The following MFAP3 variants were observed in gnomAD, a reference collection of about 807,000 sequenced individuals.
The protein encoded by MFAP3 is microfibril associated protein 3.
MFAP3 carries 8 observed loss-of-function variants against 20.5 expected under a neutral mutation model. That is an observed-to-expected ratio of 0.39 (90% CI 0.23 to 0.70). The LOEUF is 0.70. MFAP3 is among the 30% of genes least tolerant of loss of function. MFAP3 has a pLI of 0.44. For missense variants in MFAP3, 398 were observed against 444.6 expected (o/e 0.90, Z 0.94); for synonymous variants, 140 against 154.0 (o/e 0.91, Z 0.67).
At position 154,049,601 on chromosome 5, in the gene MFAP3, C is replaced by T. The variant is rs959785050; in HGVS notation, c.-122C>T. 5.4e-6 allele frequency: 5 copies of T among 934,368 alleles called. No homozygotes were observed. The East Asian group carries it at 1.3e-4, about 24-fold the overall frequency. 57.9% of individuals were successfully genotyped at this position (934,368 alleles called of 1,614,324 possible). A position where few individuals can be genotyped will look rare whatever the true frequency, so the allele number is the denominator to read the frequency against. On this transcript the variant is annotated 5_prime_UTR_variant, in exon 2 of 3. Coordinates refer to ENST00000522782, the MANE Select transcript of MFAP3 (RefSeq NM_005927.5). ...TAATCTTGAAGACTAGAAAATATAA[C>T]TGGATCTACCACTTGTTTGGAAAAT...
chr5:154,048,722 G>T (rs563944655), intron 1 of MFAP3, among the ~76,000 whole-genome samples: 6 of 152,118 alleles, frequency 3.9e-5, no homozygotes, highest in African/African-American at 1.4e-4. Context: ...TTTTAAATGT[G>T]TCTAACAATC....
intron 1 of MFAP3, among the ~76,000 whole-genome samples, chr5:154,040,282 C>T (rs927037142): frequency 1.3e-5 from 2 of 152,162 alleles, no homozygotes; most frequent in Non-Finnish European, 2.9e-5. Flanking sequence ...AAAATAAACT[C>T]ATTATATGTT....
At chr5:154,050,157 T>A in intron 2 of MFAP3, 140 bp downstream of exon 2, 1 of 748,710 alleles carries the variant, frequency 1.3e-6, no homozygotes, top group Non-Finnish European at 1.9e-6. Flanking sequence ...TGGAGTGTTG[T>A]ACCTATCAGA....
intron 2 of MFAP3, 138 bp downstream of exon 2, chr5:154,050,155 T>C (rs1773155283): frequency 2.6e-6 from 2 of 767,828 alleles, no homozygotes; most frequent in Non-Finnish European, 3.8e-6. Flanking sequence ...TCTGGAGTGT[T>C]GTACCTATCA....
At chr5:154,051,494 A>G (rs986462627) in intron 2 of MFAP3, among the ~76,000 whole-genome samples, 3 of 152,218 alleles carry the variant, frequency 2.0e-5, no homozygotes, top group African/African-American at 7.2e-5. Flanking sequence ...AGTCTAGTAT[A>G]AGGTTCATAA....
rs981994802 is a variant in MFAP3 at position 154,053,847 on chromosome 5, G to A, written c.*134G>A. ...TTGTTAATATTAAGCACATCAGAAC[G>A]TGAATTGCCAAAGTCTTCATTAGAA... On this transcript the variant is annotated 3_prime_UTR_variant, in exon 3 of 3. Coordinates refer to ENST00000522782, the MANE Select transcript of MFAP3 (RefSeq NM_005927.5). 5.3e-6 allele frequency: 4 copies of A among 750,624 alleles called. No homozygotes were observed. Among genetic ancestry groups the A allele is most frequent in the Non-Finnish European group, 6.5e-6 (3 of 458,876 alleles). 46.5% of individuals were successfully genotyped at this position (750,624 alleles called of 1,614,324 possible).
Position 154,043,938 on chromosome 5 carries a change from G to A in MFAP3, c.-167+4927G>A, listed in dbSNP as rs1480881593. Among the ~76,000 whole-genome samples, 4 of 152,142 alleles carry A rather than the reference G, an allele frequency of 2.6e-5. No individual in the cohort carries two copies. The East Asian group carries it at 7.7e-4, about 29-fold the overall frequency. On this transcript the variant is annotated intron_variant, in intron 1 of 2. Coordinates refer to ENST00000522782, the MANE Select transcript of MFAP3 (RefSeq NM_005927.5). ...ATAAAGGATCATATGTTCAAAGCAT[G>A]CAGGCCTAATATTATAGGAAGTCCC... is the stretch of plus-strand genomic sequence containing the variant.
Position 154,053,559 on chromosome 5 carries a change from TAGC to T in MFAP3, c.938_940del (p.Ala313del). Reference sequence around the variant, plus strand: ...TCTCTGAATGAACAAGGCCAGGAAATAGCAGTTCAGGTTTCTGTCCACCTTCAG... The same window carrying T: ...TCTCTGAATGAACAAGGCCAGGAAATAGTTCAGGTTTCTGTCCACCTTCAG... On this transcript the variant is annotated inframe_deletion, in exon 3 of 3. Coordinates refer to ENST00000522782, the MANE Select transcript of MFAP3 (RefSeq NM_005927.5). 1.2e-6 allele frequency: 2 copies of T among 1,613,774 alleles called. No individual in the cohort carries two copies. The highest frequency in any genetic ancestry group is 1.1e-5 in the South Asian group (1 of 91,068).
At chr5:154,040,477 T>C (rs1772906973) in intron 1 of MFAP3, among the ~76,000 whole-genome samples, 2 of 152,342 alleles carry the variant, frequency 1.3e-5, no homozygotes, top group South Asian at 4.1e-4. Flanking sequence ...AATTGTGCCA[T>C]ATTGTGTGAG....
intron 1 of MFAP3, chr5:154,039,333 C>T (rs1233772307): frequency 6.6e-6 from 1 of 152,122 alleles, no homozygotes; most frequent in East Asian, 1.9e-4. Context: ...GAAATTTAGA[C>T]TGGATAATGT....
At chr5:154,041,655 G>T (rs1298942810) in intron 1 of MFAP3, among the ~76,000 whole-genome samples, 1 of 152,204 alleles carries the variant, frequency 6.6e-6, no homozygotes, top group Non-Finnish European at 1.5e-5. Flanking sequence ...ATCACCAGTA[G>T]ATTGTAAAAT....
chr5:154,042,116 C>T (rs992214972), intron 1 of MFAP3, among the ~76,000 whole-genome samples: 16 of 152,160 alleles, frequency 1.1e-4, no homozygotes, highest in Non-Finnish European at 1.9e-4. Flanking sequence ...ATTATCTAAG[C>T]TGTTCATAAG....
intron 1 of MFAP3, among the ~76,000 whole-genome samples, chr5:154,048,277 A>G (rs2113561569): frequency 6.6e-6 from 1 of 152,292 alleles, no homozygotes; most frequent in African/African-American, 2.4e-5. Flanking sequence ...CCAAAGTCTG[A>G]AGGTTTTTTA....
In MFAP3 at chr5:154,049,734, T is replaced by C; in HGVS notation, c.12T>C (p.His4=). The C allele has an allele frequency of 1.2e-6, 2 of 1,612,438 alleles. No homozygotes were observed. Among genetic ancestry groups the C allele is most frequent in the Non-Finnish European group, 1.7e-6 (2 of 1,178,818 alleles). The part of the protein sequence containing the change: MKL[H]CCLFTLVASI... ...TGTCCCATTTTCCCATGAAGCTACA[T>C]TGTTGCTTATTCACTTTAGTGGCAA... The change falls in exon 2 of 3, where the codon CAT becomes CAC. Residue 4 remains histidine, a synonymous_variant. Transcript: ENST00000522782.
chr5:154,043,465 C>T (rs1262926299), intron 1 of MFAP3, among the ~76,000 whole-genome samples: 2 of 151,840 alleles, frequency 1.3e-5, no homozygotes, highest in Non-Finnish European at 2.9e-5. Flanking sequence ...GTGGGAGAAT[C>T]GCTTGAACCT....
chr5:154,052,921 T>C lies in MFAP3; in HGVS notation c.297T>C (p.Gly99=), dbSNP rs1220027257. The C allele has an allele frequency of 6.2e-7, 1 of 1,606,616 alleles. No homozygotes were observed. Among genetic ancestry groups the C allele is most frequent in the Non-Finnish European group, 8.5e-7 (1 of 1,174,772 alleles). Residue 99 remains glycine (G), a splice_region_variant and synonymous_variant, in exon 3 of 3, where the codon GGT becomes GGC. Transcript: ENST00000522782. ...KGQQLDGRSR[G]GKWLVSDNFL... is the part of the protein sequence containing the mutation. ...TTTTCATTTCTGTTCAATTATCAGG[T>C]GGAAAGTGGTTGGTTTCTGATAACT...
chr5:154,049,973 A>G lies in MFAP3; in HGVS notation c.251A>G (p.His84Arg), dbSNP rs140803939. 16 of 1,611,784 alleles carry G rather than the reference A, an allele frequency of 9.9e-6. No homozygotes were observed. Among genetic ancestry groups the G allele is most frequent in the Non-Finnish European group, 1.2e-5 (14 of 1,178,136 alleles). The change falls in exon 2 of 3, where the codon CAT becomes CGT. Residue 84 changes from histidine to arginine, a missense_variant. His to Arg is a conservative substitution (Grantham distance 29). Transcript: ENST00000522782. ...ACAGCCAGTCACTATGAAGATGTCC[A>G]TTGGCACAATTCAAAAGGACAGCAA... is the stretch of plus-strand genomic sequence containing the variant. ...LLTASHYEDV[H>R]WHNSKGQQLD...
At chr5:154,044,738 C>T (rs942600771) in intron 1 of MFAP3, among the ~76,000 whole-genome samples, 1 of 152,184 alleles carries the variant, frequency 6.6e-6, no homozygotes, top group Non-Finnish European at 1.5e-5. Context: ...TTGCTTGCCA[C>T]ACTCCACTGT....
chr5:154,052,890 A>ATT (rs11451300), intron 2 of MFAP3, 30 bp from the exon 3 acceptor site: 1,669 of 1,487,770 alleles, frequency 1.1e-3, no homozygotes, highest in South Asian at 1.9e-3. Flanking sequence ...TTTTGCTATA[A>ATT]TTTTTTTTTC....
Sources: gnomAD v4.1 joint callset for allele counts (sites outside exome capture counted in the v4.1 genomes callset) on GRCh38, gnomAD v4.1.1 for gene constraint, MANE v1.5 for transcripts, NCBI Gene and HGNC (gene_info 2026-07-23, HGNC 2026-07-21) for gene names.